The following LRP4 variants were observed in gnomAD, a reference collection of about 807,000 sequenced individuals.
LRP4 encodes the protein low-density lipoprotein receptor-related protein 4.
In LRP4, 95 loss-of-function variants were observed where a neutral mutation model predicts 220.3. That is an observed-to-expected ratio of 0.43 (90% CI 0.37 to 0.51). The LOEUF (loss-of-function observed/expected upper bound fraction) is 0.51, where lower values mean the gene tolerates loss of function less well. Among genes scored for constraint, LRP4 ranks in the 20% least tolerant of loss-of-function variants. LRP4 has a pLI of 0.00. For missense variants in LRP4, 1,925 were observed against 2,567.0 expected, an observed-to-expected ratio of 0.75 and a Z score of 5.40; for synonymous variants, 903 against 954.6, an observed-to-expected ratio of 0.95 and a Z score of 1.00.
Position 46,858,965 on chromosome 11 carries a change from G to A in LRP4, c.*18C>T, listed in dbSNP as rs1163367064. On this transcript the variant is annotated 3_prime_UTR_variant, in exon 38 of 38. Transcript: ENST00000378623. ...TAAAGGAGAAGGAACAGGCAGGCAG[G>A]GAAGAGAATGTGGGCATTTAGACCT... 1 of 1,610,890 alleles carries A rather than the reference G, an allele frequency of 6.2e-7. No individual in the cohort carries two copies. The highest frequency in any genetic ancestry group is 8.5e-7 in the Non-Finnish European group (1 of 1,177,674).
intron 16 of LRP4, 47 bp downstream of exon 16, chr11:46,889,363 CA>C (rs1405482964): frequency 2.5e-6 from 4 of 1,611,040 alleles, no homozygotes; most frequent in Non-Finnish European, 3.4e-6. Flanking sequence ...TCCTTCTCCC[CA>C]TCCTCACAAC....
At chr11:46,893,696 T>G (rs2134847530) in intron 12 of LRP4, among the ~76,000 whole-genome samples, 1 of 152,186 alleles carries the variant, frequency 6.6e-6, no homozygotes, top group South Asian at 2.1e-4. Flanking sequence ...ACCTCCTGGG[T>G]TCAAGAGTTT....
Position 46,895,791 on chromosome 11 carries a change from C to A in LRP4, c.1183+93G>T, listed in dbSNP as rs1054613977. The A allele has an allele frequency of 1.9e-6, 3 of 1,558,624 alleles. No homozygotes were observed. The African/African-American group carries it at 4.1e-5, about 21-fold the overall frequency. Reference sequence around the variant, plus strand: ...ATTGTGAGGACGAAATGAGGTCACACCGTTCAAATGCCTGACCCATAGGAA... The same window carrying A: ...ATTGTGAGGACGAAATGAGGTCACAACGTTCAAATGCCTGACCCATAGGAA... On this transcript the variant is annotated intron_variant, in intron 10 of 37. Transcript: ENST00000378623.
At chr11:46,864,243 T>C (rs1481949622) in intron 36 of LRP4, among the ~76,000 whole-genome samples, 1 of 152,140 alleles carries the variant, frequency 6.6e-6, no homozygotes. Flanking sequence ...TTACAGTCAT[T>C]CAATAAGGAA....
rs78746913 is a variant in LRP4 at position 46,876,208 on chromosome 11, G to A, written c.3537-242C>T. On this transcript the variant is annotated intron_variant, in intron 25 of 37. Coordinates refer to ENST00000378623, the MANE Select transcript of LRP4 (RefSeq NM_002334.4). ...GGTAAGGAAGCTGAGAATTAGAGAG[G>A]TTAAATACCGGACCCAAGTGATATA... Among the ~76,000 whole-genome samples the A allele has an allele frequency of 4.8e-3, 727 of 152,262 alleles. 6 individuals carry two copies. The highest frequency in any genetic ancestry group is 0.017 in the African/African-American group (699 of 41,548).
chr11:46,864,289 T>A (rs1014830069), intron 36 of LRP4, among the ~76,000 whole-genome samples, 159 bp downstream of exon 36: 1 of 151,274 alleles, frequency 6.6e-6, no homozygotes, highest in African/African-American at 2.4e-5. Flanking sequence ...AGTAAGTATT[T>A]AGGTTTCCAC....
intron 1 of LRP4, 146 bp from the exon 2 acceptor site, chr11:46,903,075 C>A: frequency 1.0e-6 from 1 of 961,524 alleles, no homozygotes. Context: ...GGCAGTAAAA[C>A]CATGCCTCCT....
At chr11:46,895,047 C>G (rs184784827) in intron 11 of LRP4, 119 bp downstream of exon 11, 15 of 1,442,558 alleles carry the variant, frequency 1.0e-5, no homozygotes, top group African/African-American at 8.3e-5. Context: ...GCAACTGTTG[C>G]TGCATTTTAC....
intron 34 of LRP4, among the ~76,000 whole-genome samples, chr11:46,867,506 G>C (rs1376016407): frequency 6.6e-6 from 1 of 152,216 alleles, no homozygotes; most frequent in African/African-American, 2.4e-5. Context: ...TTGTTGCCCA[G>C]GCTGGAGTGT....
chr11:46,902,032 C>T (rs1389691798), intron 2 of LRP4, among the ~76,000 whole-genome samples: 1 of 151,246 alleles, frequency 6.6e-6, no homozygotes, highest in African/African-American at 2.4e-5. Context: ...TGCGCCCGGC[C>T]TAAGAAAATA....
intron 36 of LRP4, among the ~76,000 whole-genome samples, chr11:46,863,905 G>A (rs1339780952): frequency 2.6e-5 from 4 of 152,132 alleles, no homozygotes; most frequent in Non-Finnish European, 5.9e-5. Flanking sequence ...TGATGATGAT[G>A]AAGAACAACA....
At chr11:46,913,044 A>T (rs6485710) in intron 1 of LRP4, among the ~76,000 whole-genome samples, 149,465 of 152,258 alleles carry the variant, frequency 0.98, 73,385 homozygotes, top group East Asian at 1. Context: ...CAGCCAGGCT[A>T]TCCCCAGTTG....
intron 1 of LRP4, among the ~76,000 whole-genome samples, chr11:46,903,330 C>CA (rs1179012937): frequency 1.3e-5 from 2 of 151,942 alleles, no homozygotes; most frequent in Non-Finnish European, 2.9e-5. Context: ...CTTGTTTCTA[C>CA]AAAAAACTAA....
In LRP4 at chr11:46,886,181, G is replaced by GAAGCA; in HGVS notation, c.2425-14_2425-10dup. 6.2e-7 allele frequency: 1 copy of GAAGCA among 1,613,298 alleles called. No individual in the cohort carries two copies. The highest frequency in any genetic ancestry group is 8.5e-7 in the Non-Finnish European group (1 of 1,179,292). On this transcript the variant is annotated splice_polypyrimidine_tract_variant and intron_variant, in intron 17 of 37. Coordinates refer to ENST00000378623, the MANE Select transcript of LRP4 (RefSeq NM_002334.4). Reference sequence around the variant, plus strand: ...CTGGTATCCACTACCACCTGGGCAGGAAGCAAAGCTGTATCACCAACTGTA... The same window carrying GAAGCA: ...CTGGTATCCACTACCACCTGGGCAGGAAGCAAAGCAAAGCTGTATCACCAACTGTA...
chr11:46,868,664 A>G lies in LRP4; in HGVS notation c.4887T>C (p.Phe1629=). 6.2e-7 allele frequency: 1 copy of G among 1,614,192 alleles called. No homozygotes were observed. The highest frequency in any genetic ancestry group is 8.5e-7 in the Non-Finnish European group (1 of 1,180,024). Residue 1629 remains phenylalanine, a synonymous_variant, in exon 33 of 38, where the codon TTT becomes TTC. Coordinates refer to ENST00000378623, the MANE Select transcript of LRP4 (RefSeq NM_002334.4). ...CACATACGAAGTCCGAGGCTCTGGC[A>G]AAGCAGAGGTGGGTGCAGCCACCAT... The part of the protein sequence containing the change: ...VNNGGCTHLC[F]ARASDFVCAC...
Position 46,858,558 on chromosome 11 carries a change from T to G in LRP4, c.*425A>C. The G allele has an allele frequency of 3.4e-6, 1 of 292,746 alleles. No homozygotes were observed. The highest frequency in any genetic ancestry group is 6.7e-6 in the Non-Finnish European group (1 of 148,384). 18.1% of individuals were successfully genotyped at this position (292,746 alleles called of 1,614,324 possible). A position where few individuals can be genotyped will look rare whatever the true frequency, so the allele number is the denominator to read the frequency against. On this transcript the variant is annotated 3_prime_UTR_variant, in exon 38 of 38. Coordinates refer to ENST00000378623, the MANE Select transcript of LRP4 (RefSeq NM_002334.4). ...ACCCACACCCCCATGTCCCAGCCCC[T>G]GATGGGCAAGTTCTCTCAGAGAAGC...
At chr11:46,894,949 AC>A in intron 11 of LRP4, 130 bp from the exon 12 acceptor site, 1 of 1,025,014 alleles carries the variant, frequency 9.8e-7, no homozygotes, top group Non-Finnish European at 1.5e-6. Flanking sequence ...CAGCATCAGT[AC>A]CAGAAGAGTG....
intron 1 of LRP4, among the ~76,000 whole-genome samples, chr11:46,907,157 G>A (rs1213675466): frequency 2.0e-5 from 3 of 152,226 alleles, no homozygotes; most frequent in East Asian, 3.8e-4. Context: ...ATTTTAAGAA[G>A]TGTTGAATTA....
intron 37 of LRP4, among the ~76,000 whole-genome samples, chr11:46,860,303 C>T (rs1849220130): frequency 1.3e-5 from 2 of 151,534 alleles, no homozygotes; most frequent in Admixed American, 6.6e-5. Flanking sequence ...GGGTCCTAAA[C>T]GTCAATATAG....
Sources: allele counts gnomAD v4.1 joint callset (sites outside exome capture counted in the v4.1 genomes callset), GRCh38; gene constraint gnomAD v4.1.1; transcripts MANE v1.5; gene names NCBI Gene and HGNC (gene_info 2026-07-23, HGNC 2026-07-21).